ZPBP: variants seen among roughly 807,000 people sequenced by gnomAD.
The protein encoded by ZPBP is zona pellucida binding protein, also known as zona pellucida-binding protein 1.
Under a neutral mutation model 44.8 loss-of-function variants are expected in ZPBP, and 26 were observed. The ratio of observed to expected loss-of-function variants is 0.58; its 90% CI spans 0.43 to 0.81. ZPBP has a LOEUF of 0.81. Among genes scored for constraint, ZPBP ranks in the 30% least tolerant of loss-of-function variants. ZPBP has a pLI of 0.00. For missense variants in ZPBP, 409 were observed against 434.0 expected (o/e 0.94, Z 0.51); for synonymous variants, 174 against 153.2 (o/e 1.14, Z -1.00).
At chr7:49,924,077 C>T (rs1842904) in intron 1 of ZPBP, among the ~76,000 whole-genome samples, 113,762 of 151,872 alleles carry the variant, frequency 0.75, 42,848 homozygotes, top group East Asian at 0.89. Flanking sequence ...GAGCCAAGAT[C>T]GTGCCATTGC....
At chr7:50,085,660 A>G (rs1475866914) in intron 2 of ZPBP, among the ~76,000 whole-genome samples, 2 of 152,126 alleles carry the variant, frequency 1.3e-5, no homozygotes, top group Non-Finnish European at 2.9e-5. Flanking sequence ...GACTTTGCCT[A>G]CTGCACAAAG....
intron 3 of ZPBP, among the ~76,000 whole-genome samples, chr7:50,075,008 C>T (rs1379830208): frequency 6.6e-6 from 1 of 151,714 alleles, no homozygotes. Flanking sequence ...AAGGATAGAC[C>T]ATATATTAGG....
intron 2 of ZPBP, among the ~76,000 whole-genome samples, chr7:49,887,620 G>T (rs1791957329): frequency 6.6e-6 from 1 of 152,058 alleles, no homozygotes; most frequent in African/African-American, 2.4e-5. Context: ...GTTTCCATTT[G>T]TACAGGATTC....
chr7:49,932,263 A>G (rs1440829336), intron 1 of ZPBP, among the ~76,000 whole-genome samples: 1 of 152,190 alleles, frequency 6.6e-6, no homozygotes, highest in Non-Finnish European at 1.5e-5. Context: ...AACAGATTGC[A>G]CCATGCACCT....
At chr7:49,969,952 CG>C (rs1480124225) in intron 7 of ZPBP, among the ~76,000 whole-genome samples, 6 of 152,064 alleles carry the variant, frequency 3.9e-5, no homozygotes, top group Middle Eastern at 3.4e-3. Flanking sequence ...TTCTGCCACC[CG>C]GGTTCAAGTG....
At chr7:49,896,306 A>G (rs1782371845) in intron 2 of ZPBP, among the ~76,000 whole-genome samples, 1 of 152,188 alleles carries the variant, frequency 6.6e-6, no homozygotes. Context: ...GCACCACTGC[A>G]CTCTACCCTG....
chr7:50,046,716 C>G (rs966024352), intron 4 of ZPBP, among the ~76,000 whole-genome samples: 2 of 152,108 alleles, frequency 1.3e-5, no homozygotes, highest in African/African-American at 4.8e-5. Flanking sequence ...ATTAGTTCAA[C>G]CATTGTGGAA....
chr7:50,073,822 T>C (rs1200779559), intron 3 of ZPBP, among the ~76,000 whole-genome samples: 1 of 152,048 alleles, frequency 6.6e-6, no homozygotes, highest in Non-Finnish European at 1.5e-5. Context: ...CCTTCAAACA[T>C]GAAGGAGAAA....
chr7:49,881,311 G>C (rs895373503), intron 2 of ZPBP, among the ~76,000 whole-genome samples: 11 of 152,102 alleles, frequency 7.2e-5, no homozygotes, highest in Admixed American at 2.0e-4. Context: ...TGGCCTATAA[G>C]AGACTCCACC....
chr7:50,030,136 G>A (rs1799536646), intron 5 of ZPBP, among the ~76,000 whole-genome samples: 1 of 152,096 alleles, frequency 6.6e-6, no homozygotes, highest in African/African-American at 2.4e-5. Flanking sequence ...CCTGAAGAGA[G>A]CCAAACTTTC....
chr7:49,950,779 G>A (rs1488477950), intron 7 of ZPBP, among the ~76,000 whole-genome samples: 1 of 151,604 alleles, frequency 6.6e-6, no homozygotes, highest in East Asian at 1.9e-4. Context: ...ATAATTGCAA[G>A]GGGTCCAAAA....
intron 7 of ZPBP, among the ~76,000 whole-genome samples, chr7:49,963,207 T>C (rs571113630): frequency 2.3e-4 from 35 of 151,718 alleles, no homozygotes; most frequent in African/African-American, 8.2e-4. Context: ...AGTTTTAGGA[T>C]GGTTAAAATT....
downstream of ZPBP, among the ~76,000 whole-genome samples, chr7:49,848,473 G>C (rs1790047107): frequency 6.6e-6 from 1 of 152,258 alleles, no homozygotes; most frequent in Non-Finnish European, 1.5e-5. Flanking sequence ...CACCTGCCCA[G>C]GGTCGGCTGT....
chr7:49,844,804 T>C, the ZPBP span, among the ~76,000 whole-genome samples: 101 of 152,292 alleles, frequency 6.6e-4, no homozygotes, highest in African/African-American at 2.3e-3. Flanking sequence ...GCGATTCTCC[T>C]GTCTCAGCTT....
At chr7:50,057,257 G>A (rs541332897) in intron 4 of ZPBP, among the ~76,000 whole-genome samples, 2 of 151,270 alleles carry the variant, frequency 1.3e-5, no homozygotes, top group African/African-American at 4.9e-5. Flanking sequence ...AGATAGAGAA[G>A]CTAAAAGCAG....
At chr7:49,999,473 T>G (rs182462148) in intron 6 of ZPBP, among the ~76,000 whole-genome samples, 85 of 148,836 alleles carry the variant, frequency 5.7e-4, no homozygotes, top group Non-Finnish European at 2.7e-4. Context: ...AGATTTACTA[T>G]GGGAATTTGT....
rs188678893 is a variant in ZPBP, at chr7:50,086,116, A to G, written c.208+3513T>C. 1.1e-3 allele frequency among the ~76,000 whole-genome samples: 169 copies of G among 152,244 alleles called. 1 individual carries two copies. Among genetic ancestry groups the G allele is most frequent in the Non-Finnish European group, 2.9e-4 (20 of 67,972 alleles). On this transcript the variant is annotated intron_variant, in intron 2 of 7. Coordinates refer to ENST00000046087, the MANE Select transcript of ZPBP (RefSeq NM_007009.3). ...ATCATTAGCCTAACTAAGCTAATTA[A>G]GCAGAGATTTCAGTGGTTATGGGAT... is the stretch of plus-strand genomic sequence containing the variant.
At chr7:50,019,003 T>C (rs1242817895) in intron 5 of ZPBP, among the ~76,000 whole-genome samples, 2 of 151,996 alleles carry the variant, frequency 1.3e-5, no homozygotes, top group Admixed American at 6.6e-5. Context: ...ACTACAAGAC[T>C]TAAAAAATAC....
chr7:50,006,814 TAAGAAA>T (rs924514444), intron 6 of ZPBP, among the ~76,000 whole-genome samples: 1 of 151,812 alleles, frequency 6.6e-6, no homozygotes, highest in Non-Finnish European at 1.5e-5. Context: ...CTAGATTACC[TAAGAAA>T]AAGGGAGAAG....
Sources: gnomAD v4.1 joint callset for allele counts (sites outside exome capture counted in the v4.1 genomes callset) on GRCh38, gnomAD v4.1.1 for gene constraint, MANE v1.5 for transcripts, NCBI Gene and HGNC (gene_info 2026-07-23, HGNC 2026-07-21) for gene names.